NRG3: variants seen among roughly 807,000 people sequenced by gnomAD.
NRG3 encodes pro-neuregulin-3, membrane-bound isoform.
NRG3 carries 31 observed loss-of-function variants against 66.9 expected under a neutral mutation model. The ratio of observed to expected loss-of-function variants is 0.46; its 90% CI spans 0.35 to 0.63. The LOEUF (loss-of-function observed/expected upper bound fraction) is 0.63. NRG3 is among the 20% of genes least tolerant of loss of function. The pLI, the probability that NRG3 is intolerant of heterozygous loss-of-function variation, is 0.00. For missense variants in NRG3, 910 were observed against 878.9 expected (o/e 1.04, Z -0.45); for synonymous variants, 393 against 359.4 (o/e 1.09, Z -1.06).
intron 1 of NRG3, among the ~76,000 whole-genome samples, chr10:82,151,478 C>G (rs191127656): frequency 2.6e-5 from 4 of 152,204 alleles, no homozygotes; most frequent in Admixed American, 6.5e-5. Flanking sequence ...TTCTGTGAAT[C>G]GGAACCTCTC....
intron 4 of NRG3, among the ~76,000 whole-genome samples, chr10:82,893,411 C>A (rs1448689137): frequency 2.6e-5 from 4 of 151,970 alleles, no homozygotes; most frequent in African/African-American, 9.7e-5. Flanking sequence ...AGAAGTGGGC[C>A]AGGCGCGGTG....
intron 1 of NRG3, among the ~76,000 whole-genome samples, chr10:82,009,802 A>G (rs2061507951): frequency 6.6e-6 from 1 of 152,180 alleles, no homozygotes; most frequent in African/African-American, 2.4e-5. Flanking sequence ...AGCCCCAGCC[A>G]TGCCTCCTTT....
At chr10:82,655,491 T>G (rs1359184277) in intron 2 of NRG3, among the ~76,000 whole-genome samples, 4 of 152,288 alleles carry the variant, frequency 2.6e-5, no homozygotes, top group African/African-American at 9.6e-5. Flanking sequence ...TGAATTTTCC[T>G]TCATCCAATT....
chr10:82,870,924 A>G (rs1328990689), intron 4 of NRG3, among the ~76,000 whole-genome samples: 1 of 152,186 alleles, frequency 6.6e-6, no homozygotes, highest in African/African-American at 2.4e-5. Context: ...TTCAATTTTA[A>G]TAAAGTCCAG....
At chr10:82,116,281 AG>A (rs977552529) in intron 1 of NRG3, among the ~76,000 whole-genome samples, 5 of 152,214 alleles carry the variant, frequency 3.3e-5, no homozygotes, top group African/African-American at 1.2e-4. Context: ...CCTTAAAAGG[AG>A]GGAAGGAGGG....
intron 2 of NRG3, among the ~76,000 whole-genome samples, chr10:82,658,198 G>T (rs1255842939): frequency 6.6e-6 from 1 of 152,040 alleles, no homozygotes; most frequent in Admixed American, 6.5e-5. Flanking sequence ...AAAGTATATT[G>T]CATCATAATC....
At chr10:82,111,931 T>G (rs2067414580) in intron 1 of NRG3, among the ~76,000 whole-genome samples, 1 of 152,160 alleles carries the variant, frequency 6.6e-6, no homozygotes, top group African/African-American at 2.4e-5. Context: ...AGGTTGCTCA[T>G]GTGAATTATG....
intron 1 of NRG3, among the ~76,000 whole-genome samples, chr10:81,967,216 ATTG>A: frequency 2.0e-5 from 3 of 151,896 alleles, no homozygotes; most frequent in Middle Eastern, 7.7e-3. Context: ...TTTATTGCTG[ATTG>A]TTGTTTTTGT....
chr10:82,425,239 A>T (rs1179923258), intron 2 of NRG3, among the ~76,000 whole-genome samples: 1 of 152,112 alleles, frequency 6.6e-6, no homozygotes, highest in African/African-American at 2.4e-5. Flanking sequence ...GGGACTATAG[A>T]TATTATAACA....
chr10:82,612,427 A>T (rs2048371383), intron 2 of NRG3, among the ~76,000 whole-genome samples: 1 of 152,122 alleles, frequency 6.6e-6, no homozygotes, highest in Non-Finnish European at 1.5e-5. Context: ...TGTGATGTTA[A>T]ATTTAAAATA....
At chr10:82,697,385 A>G (rs1359571436) in intron 2 of NRG3, among the ~76,000 whole-genome samples, 1 of 152,178 alleles carries the variant, frequency 6.6e-6, no homozygotes, top group Non-Finnish European at 1.5e-5. Flanking sequence ...AGAGAAATCC[A>G]TATTCCCAAG....
intron 1 of NRG3, among the ~76,000 whole-genome samples, chr10:82,178,501 T>A (rs930752506): frequency 1.3e-5 from 2 of 152,190 alleles, no homozygotes; most frequent in African/African-American, 2.4e-5. Context: ...GACTGACTTA[T>A]TTCACTTAGC....
At position 82,848,808 on chromosome 10, in the gene NRG3, C is replaced by T. The variant is rs7091844; in HGVS notation, c.1028-16603C>T. Among the ~76,000 whole-genome samples the T allele has an allele frequency of 2.7e-3, 406 of 152,230 alleles. 1 individual carries two copies. Among genetic ancestry groups the T allele is most frequent in the African/African-American group, 8.2e-3 (340 of 41,540 alleles). ...TTCTCATGATAGTGAATAAGTCTCACGAGATCTGAGGGTTTTATAAAGGGT... is the reference window on the plus strand; with the variant it reads ...TTCTCATGATAGTGAATAAGTCTCATGAGATCTGAGGGTTTTATAAAGGGT... On this transcript the variant is annotated intron_variant, in intron 3 of 8. Transcript: ENST00000372141.
chr10:82,776,742 C>T (rs999939677), intron 3 of NRG3, among the ~76,000 whole-genome samples: 1 of 151,700 alleles, frequency 6.6e-6, no homozygotes, highest in Non-Finnish European at 1.5e-5. Context: ...CATTCACCAC[C>T]TTCTTCAACT....
rs144724472 is a variant in NRG3, at chr10:82,136,530, G to A, written c.824-222209G>A. The stretch of plus-strand genomic sequence containing the variant: ...TGCTCCATTTTACTGCAGTTGAGCT[G>A]GTAGCAAAGCCACAATACAATGTTT... On this transcript the variant is annotated intron_variant, in intron 1 of 8. Coordinates refer to ENST00000372141, the MANE Select transcript of NRG3 (RefSeq NM_001010848.4). Among the ~76,000 whole-genome samples the A allele has an allele frequency of 7.9e-4, 121 of 152,270 alleles. 1 individual carries two copies. In the East Asian group the frequency reaches 0.021, roughly 27 times the overall value.
intron 1 of NRG3, among the ~76,000 whole-genome samples, chr10:81,911,603 GTTTT>G (rs796518872): frequency 6.3e-4 from 49 of 77,962 alleles, no homozygotes; most frequent in Middle Eastern, 7.6e-3. Flanking sequence ...GCACAGACTT[GTTTT>G]TTTTTTTTTT....
chr10:82,796,112 C>A (rs1490757431), intron 3 of NRG3, among the ~76,000 whole-genome samples: 1 of 152,086 alleles, frequency 6.6e-6, no homozygotes, highest in Non-Finnish European at 1.5e-5. Context: ...ATGTCTAAGA[C>A]AGACTTATGA....
chr10:82,950,955 G>A (rs533297754), intron 4 of NRG3, among the ~76,000 whole-genome samples: 3 of 152,256 alleles, frequency 2.0e-5, no homozygotes, highest in South Asian at 2.1e-4. Context: ...AAATACTTAC[G>A]TGCCTATTGA....
chr10:82,307,384 A>T (rs1412305791), intron 1 of NRG3, among the ~76,000 whole-genome samples: 2 of 152,196 alleles, frequency 1.3e-5, no homozygotes, highest in Non-Finnish European at 2.9e-5. Flanking sequence ...GTTTACTTTT[A>T]TGATTAAGAG....
Sources: gnomAD v4.1 joint callset for allele counts (sites outside exome capture counted in the v4.1 genomes callset) on GRCh38, gnomAD v4.1.1 for gene constraint, MANE v1.5 for transcripts, NCBI Gene and HGNC (gene_info 2026-07-23, HGNC 2026-07-21) for gene names.